IFNAR2: variants seen among roughly 807,000 people sequenced by gnomAD.
IFNAR2 encodes interferon alpha/beta receptor 2.
In IFNAR2, 30 loss-of-function variants were observed where a neutral mutation model predicts 49.4. The observed-to-expected ratio is 0.61, with a 90% CI of 0.45 to 0.82. The LOEUF is 0.82. Among genes scored for constraint, IFNAR2 ranks in the 40% least tolerant of loss-of-function variants. The probability of loss-of-function intolerance (pLI) is 0.00; values close to 1 mark genes in which losing one functional copy is unlikely to be tolerated. For missense variants in IFNAR2, 600 were observed against 622.7 expected, an observed-to-expected ratio of 0.96 and a Z score of 0.39; for synonymous variants, 224 against 234.5, an observed-to-expected ratio of 0.96 and a Z score of 0.41.
intron 7 of IFNAR2, among the ~76,000 whole-genome samples, chr21:33,256,544 A>C (rs1216637006): frequency 5.9e-5 from 9 of 152,214 alleles, no homozygotes; most frequent in African/African-American, 2.2e-4. Context: ...AGCAGTAAGC[A>C]CTGTGACCCA....
At chr21:33,254,380 A>G (rs1028642716) in intron 7 of IFNAR2, among the ~76,000 whole-genome samples, 2 of 152,190 alleles carry the variant, frequency 1.3e-5, no homozygotes, top group Admixed American at 1.3e-4. Flanking sequence ...CCTAAAAGAA[A>G]CCAAAGTGTT....
At chr21:33,237,085 G>A (rs965848655) in intron 1 of IFNAR2, among the ~76,000 whole-genome samples, 34 of 150,956 alleles carry the variant, frequency 2.3e-4, no homozygotes, top group African/African-American at 5.1e-4. Flanking sequence ...TGGGGTGTGT[G>A]TGTGTGTGTG....
At chr21:33,247,254 C>CTTTCTTTTTTTTTTTT (rs773079900) in intron 5 of IFNAR2, among the ~76,000 whole-genome samples, 4 of 91,574 alleles carry the variant, frequency 4.4e-5, no homozygotes, top group South Asian at 3.7e-4. Flanking sequence ...TTCTTTCTTT[C>CTTTCTTTTTTTTTTTT]TTTTTTTTTT....
intron 1 of IFNAR2, among the ~76,000 whole-genome samples, chr21:33,239,116 A>G (rs904840631): frequency 1.3e-5 from 2 of 152,138 alleles, no homozygotes; most frequent in Non-Finnish European, 2.9e-5. Context: ...ACAGATGCAT[A>G]GTTTCATTGC....
At chr21:33,262,551 A>T in intron 8 of IFNAR2, 1 of 696,644 alleles carries the variant, frequency 1.4e-6, no homozygotes, top group Admixed American at 2.1e-5. Context: ...TTTATTTTTT[A>T]TTTTTTTAGA....
intron 1 of IFNAR2, among the ~76,000 whole-genome samples, chr21:33,237,691 G>C (rs1986586801): frequency 6.6e-6 from 1 of 152,090 alleles, no homozygotes; most frequent in Admixed American, 6.5e-5. Context: ...CAGTATTATG[G>C]GATTAGTTCC....
chr21:33,263,734 G>T lies in IFNAR2; in HGVS notation c.*234G>T. On this transcript the variant is annotated 3_prime_UTR_variant, in exon 9 of 9. Transcript: ENST00000342136. ...GTGGTGCACTTTGAAGGAAGCACAT[G>T]TGCACCTTTCCTTTACACTAATGCA... 1 of 537,574 alleles carries T rather than the reference G, an allele frequency of 1.9e-6. No homozygotes were observed. Among genetic ancestry groups the T allele is most frequent in the Admixed American group, 3.4e-5 (1 of 29,230 alleles). The allele number at this position is 537,574 out of a possible 1,614,324, so 33.3% of individuals were successfully genotyped here. A position where few individuals can be genotyped will look rare whatever the true frequency, so the allele number is the denominator to read the frequency against.
chr21:33,249,407 G>A (rs1342637184), intron 6 of IFNAR2, among the ~76,000 whole-genome samples: 1 of 151,852 alleles, frequency 6.6e-6, no homozygotes, highest in African/African-American at 2.4e-5. Flanking sequence ...ACAGGAGAGA[G>A]GGTGTGGGAG....
intron 5 of IFNAR2, 91 bp from the exon 6 acceptor site, chr21:33,248,618 C>A (rs1055675524): frequency 1.6e-6 from 2 of 1,236,818 alleles, no homozygotes; most frequent in East Asian, 2.7e-5. Flanking sequence ...GGCAGATTTT[C>A]TATACAGGGC....
At chr21:33,249,110 G>A (rs999163778) in intron 6 of IFNAR2, among the ~76,000 whole-genome samples, 11 of 152,160 alleles carry the variant, frequency 7.2e-5, no homozygotes, top group Non-Finnish European at 1.5e-4. Flanking sequence ...TTGGGAGGCC[G>A]AGGCGGGCAG....
intron 8 of IFNAR2, among the ~76,000 whole-genome samples, chr21:33,261,098 G>T (rs1034441958): frequency 2.8e-5 from 4 of 143,178 alleles, no homozygotes; most frequent in African/African-American, 1.0e-4. Flanking sequence ...GTACAGTGGC[G>T]TGATCTCAGC....
chr21:33,236,692 G>A, intron 1 of IFNAR2: 1 of 985,370 alleles, frequency 1.0e-6, no homozygotes, highest in Non-Finnish European at 1.2e-6. Flanking sequence ...TCCTCTGCTG[G>A]GAGCCTAAAC....
rs1364118931 is a variant in IFNAR2, at chr21:33,243,276, G to T, written c.56-397G>T. 2.6e-5 allele frequency among the ~76,000 whole-genome samples: 4 copies of T among 152,034 alleles called. No individual in the cohort carries two copies. In the South Asian group the frequency reaches 6.2e-4, roughly 24 times the overall value. On this transcript the variant is annotated intron_variant, in intron 2 of 8. Coordinates refer to ENST00000342136, the MANE Select transcript of IFNAR2 (RefSeq NM_001289125.3). ...TTTTTGTATTTTTAGTAGAGACAGG[G>T]TTTTGCCGTGTTGGCCAGGCTGATC...
Position 33,244,950 on chromosome 21 carries a change from G to A in IFNAR2, c.98-1G>A, listed in dbSNP as rs761428283. 5.0e-6 allele frequency: 8 copies of A among 1,610,602 alleles called. No individual in the cohort carries two copies. In the African/African-American group the frequency reaches 9.4e-5, roughly 19 times the overall value. ...AATGCCCTTTTTCTTCTTCTCTTTA[G>A]ATTACACAGATGAATCTTGCACTTT... On this transcript the variant is annotated splice_acceptor_variant, in intron 3 of 8. Coordinates refer to ENST00000342136, the MANE Select transcript of IFNAR2 (RefSeq NM_001289125.3). LOFTEE classifies it high-confidence loss of function.
intron 7 of IFNAR2, among the ~76,000 whole-genome samples, chr21:33,258,062 TG>T (rs917313274): frequency 1.3e-5 from 2 of 152,136 alleles, no homozygotes; most frequent in African/African-American, 2.4e-5. Flanking sequence ...TCCAGCACTT[TG>T]GGGGGCCGAG....
intron 7 of IFNAR2, among the ~76,000 whole-genome samples, chr21:33,254,819 T>C (rs1988098178): frequency 6.6e-6 from 1 of 152,202 alleles, no homozygotes; most frequent in African/African-American, 2.4e-5. Flanking sequence ...AAAACCAAGC[T>C]GCACCCTGAC....
intron 1 of IFNAR2, chr21:33,236,734 C>G: frequency 1.0e-6 from 1 of 985,250 alleles, no homozygotes; most frequent in Non-Finnish European, 1.2e-6. Context: ...CAAGTGTGAG[C>G]TGGGGCTCCT....
chr21:33,260,575 T>A (rs764771868), intron 7 of IFNAR2, 22 bp from the exon 8 acceptor site: 1 of 1,577,870 alleles, frequency 6.3e-7, no homozygotes, highest in Non-Finnish European at 8.6e-7. Flanking sequence ...TGAAATAAAG[T>A]CATTTAATTT....
intron 8 of IFNAR2, 55 bp from the exon 9 acceptor site, chr21:33,262,738 A>G (rs1338821808): frequency 6.3e-7 from 1 of 1,591,570 alleles, no homozygotes; most frequent in East Asian, 2.2e-5. Context: ...TAGAAAATAA[A>G]GAGCAAACAG....
Sources: allele counts gnomAD v4.1 joint callset (sites outside exome capture counted in the v4.1 genomes callset), GRCh38; gene constraint gnomAD v4.1.1; transcripts MANE v1.5; gene names NCBI Gene and HGNC (gene_info 2026-07-23, HGNC 2026-07-21).